The following NLGN1 variants were observed in gnomAD, a reference collection of about 807,000 sequenced individuals.
NLGN1 encodes neuroligin-1.
NLGN1 carries 12 observed loss-of-function variants against 65.5 expected under a neutral mutation model. That is an observed-to-expected ratio of 0.18 (90% CI 0.12 to 0.30). The LOEUF (loss-of-function observed/expected upper bound fraction) is 0.30, where lower values mean the gene tolerates loss of function less well. Ranked by LOEUF, NLGN1 falls within the 10% of genes least tolerant of loss-of-function variation. The pLI is 1.00. For missense variants in NLGN1, 750 were observed against 1,007.1 expected (o/e 0.74, Z 3.46); for synonymous variants, 350 against 359.5 (o/e 0.97, Z 0.30).
At chr3:173,771,458 A>G (rs1264528554) in intron 3 of NLGN1, among the ~76,000 whole-genome samples, 1 of 152,210 alleles carries the variant, frequency 6.6e-6, no homozygotes, top group African/African-American at 2.4e-5. Flanking sequence ...AGAAAAATTT[A>G]GAGGAAGTAA....
chr3:173,845,606 G>GGATAGGTAGATAGATAGATA lies in NLGN1; in HGVS notation c.646+37779_646+37780insGTAGATAGATAGATAGATAG, dbSNP rs147688296. On this transcript the variant is annotated intron_variant, in intron 4 of 6. Transcript: ENST00000457714. ...TGGATAGACAGATAGGTAGGTGGAT[G>GGATAGGTAGATAGATAGATA]GATAGATAGATAGATAGATAGATAG... Among the ~76,000 whole-genome samples the GGATAGGTAGATAGATAGATA allele has an allele frequency of 1.0e-3, 148 of 147,044 alleles. 2 individuals carry two copies. Among genetic ancestry groups the GGATAGGTAGATAGATAGATA allele is most frequent in the Admixed American group, 2.2e-3 (32 of 14,624 alleles).
At chr3:173,800,329 A>T in intron 3 of NLGN1, 1 of 1,218,378 alleles carries the variant, frequency 8.2e-7, no homozygotes, top group Non-Finnish European at 1.1e-6. Context: ...GATTTAGGTG[A>T]TAATGACGGT....
At chr3:173,942,173 A>ATG (rs562206954) in intron 4 of NLGN1, among the ~76,000 whole-genome samples, 245 of 151,102 alleles carry the variant, frequency 1.6e-3, no homozygotes, top group Middle Eastern at 0.01. Context: ...TATATATAAT[A>ATG]TGTGTATATA....
At chr3:173,643,960 G>A (rs1757812909) in intron 3 of NLGN1, among the ~76,000 whole-genome samples, 1 of 152,088 alleles carries the variant, frequency 6.6e-6, no homozygotes, top group South Asian at 2.1e-4. Flanking sequence ...CAAATAAAAG[G>A]CACACATGGA....
At chr3:174,155,815 A>T (rs931057385) in intron 4 of NLGN1, among the ~76,000 whole-genome samples, 6 of 151,942 alleles carry the variant, frequency 3.9e-5, no homozygotes, top group African/African-American at 1.4e-4. Flanking sequence ...TAATTTTAAA[A>T]AATAAAAGGC....
chr3:173,840,198 A>G (rs960342656), intron 4 of NLGN1, among the ~76,000 whole-genome samples: 3 of 152,190 alleles, frequency 2.0e-5, no homozygotes, highest in Non-Finnish European at 4.4e-5. Context: ...TAAATATACT[A>G]TCATTCAAGA....
At chr3:173,997,381 A>T (rs10513721) in intron 4 of NLGN1, among the ~76,000 whole-genome samples, 6 of 151,946 alleles carry the variant, frequency 3.9e-5, no homozygotes, top group African/African-American at 1.4e-4. Context: ...AGGATTCTGC[A>T]TCTTTCAAAT....
chr3:173,694,896 A>G (rs957177766), intron 3 of NLGN1, among the ~76,000 whole-genome samples: 1 of 152,306 alleles, frequency 6.6e-6, no homozygotes, highest in South Asian at 2.1e-4. Flanking sequence ...AATATGGCCC[A>G]CTACCAGCCC....
At chr3:173,407,123 G>A (rs147545707) in intron 1 of NLGN1, among the ~76,000 whole-genome samples, 62 of 152,252 alleles carry the variant, frequency 4.1e-4, no homozygotes, top group African/African-American at 1.4e-3. Flanking sequence ...ATGGCTTAGA[G>A]TCTCAGATCA....
At chr3:174,138,763 G>T (rs1721722356) in intron 4 of NLGN1, among the ~76,000 whole-genome samples, 1 of 151,962 alleles carries the variant, frequency 6.6e-6, no homozygotes, top group Non-Finnish European at 1.5e-5. Flanking sequence ...AGTTCTTTAT[G>T]CACAGCTGCA....
At chr3:174,242,269 G>A (rs1455391575) in intron 4 of NLGN1, among the ~76,000 whole-genome samples, 1 of 151,986 alleles carries the variant, frequency 6.6e-6, no homozygotes, top group East Asian at 1.9e-4. Flanking sequence ...GACCGTGCCA[G>A]TCCATGGCCT....
At chr3:173,835,441 T>C (rs1723434268) in intron 4 of NLGN1, among the ~76,000 whole-genome samples, 1 of 152,136 alleles carries the variant, frequency 6.6e-6, no homozygotes, top group African/African-American at 2.4e-5. Context: ...TAAGGCTGGA[T>C]TGTTTTCTTT....
chr3:173,891,969 G>C (rs1209229321), intron 4 of NLGN1, among the ~76,000 whole-genome samples: 1 of 152,124 alleles, frequency 6.6e-6, no homozygotes, highest in African/African-American at 2.4e-5. Flanking sequence ...CACAGCCAAG[G>C]TCACAGCAAT....
intron 4 of NLGN1, among the ~76,000 whole-genome samples, chr3:173,827,627 A>ATGTG (rs1179875893): frequency 8.2e-4 from 59 of 71,878 alleles, no homozygotes; most frequent in African/African-American, 3.1e-3. Flanking sequence ...TATATTTATG[A>ATGTG]TATGTGTGTG....
chr3:173,868,222 T>G (rs1266848798), intron 4 of NLGN1, among the ~76,000 whole-genome samples: 1 of 152,024 alleles, frequency 6.6e-6, no homozygotes, highest in Non-Finnish European at 1.5e-5. Flanking sequence ...AATAGGTGAG[T>G]ATGGGCATGA....
At chr3:173,883,493 C>T (rs1733722869) in intron 4 of NLGN1, among the ~76,000 whole-genome samples, 1 of 152,074 alleles carries the variant, frequency 6.6e-6, no homozygotes, top group Non-Finnish European at 1.5e-5. Flanking sequence ...GAGAGGTGAG[C>T]ACACATGAAG....
At chr3:174,018,017 A>G (rs547961482) in intron 4 of NLGN1, among the ~76,000 whole-genome samples, 5 of 152,250 alleles carry the variant, frequency 3.3e-5, no homozygotes, top group East Asian at 1.9e-4. Flanking sequence ...ATCTGCAACC[A>G]TAAAAGACAG....
chr3:173,590,467 T>G (rs190001160), intron 2 of NLGN1, among the ~76,000 whole-genome samples: 1 of 152,320 alleles, frequency 6.6e-6, no homozygotes, highest in African/African-American at 2.4e-5. Context: ...GAAGGAATAC[T>G]GTACTAGTAG....
At chr3:173,940,806 A>G (rs1316038260) in intron 4 of NLGN1, among the ~76,000 whole-genome samples, 1 of 152,204 alleles carries the variant, frequency 6.6e-6, no homozygotes, top group Non-Finnish European at 1.5e-5. Flanking sequence ...CTGAATATCT[A>G]CGTGCATTTG....
Sources: gnomAD v4.1 joint callset for allele counts (sites outside exome capture counted in the v4.1 genomes callset) on GRCh38, gnomAD v4.1.1 for gene constraint, MANE v1.5 for transcripts, NCBI Gene and HGNC (gene_info 2026-07-23, HGNC 2026-07-21) for gene names.